POU2F2: variants seen among roughly 807,000 people sequenced by gnomAD.
POU2F2 encodes POU class 2 homeobox 2.
A neutral mutation model predicts 63.5 loss-of-function variants in POU2F2; 14 were observed. The observed-to-expected ratio is 0.22, with a 90% CI of 0.15 to 0.34. POU2F2 has a LOEUF of 0.34. POU2F2 is among the 10% of genes least tolerant of loss of function. POU2F2 has a pLI of 1.00. For synonymous variants in POU2F2, 306 were observed against 348.6 expected (o/e 0.88, Z 1.36); for missense variants, 607 against 815.2 (o/e 0.74, Z 3.11).
intron 1 of POU2F2, among the ~76,000 whole-genome samples, chr19:42,192,904 T>TG (rs891804824): frequency 2.0e-5 from 3 of 152,024 alleles, no homozygotes; most frequent in East Asian, 1.9e-4. Flanking sequence ...GAAAAATAGT[T>TG]GGAGAGTGTA....
At chr19:42,122,822 A>G (rs1354966665) in intron 1 of POU2F2, among the ~76,000 whole-genome samples, 2 of 152,188 alleles carry the variant, frequency 1.3e-5, no homozygotes, top group Non-Finnish European at 2.9e-5. Context: ...TCCAGAAAGT[A>G]ACACAGGGGT....
At chr19:42,149,802 A>T (rs190812765) in intron 2 of POU2F2, among the ~76,000 whole-genome samples, 218 of 152,228 alleles carry the variant, frequency 1.4e-3, no homozygotes, top group African/African-American at 5.1e-3. Context: ...TCACACCAGC[A>T]GTCCAGCAGG....
chr19:42,137,164 G>A (rs1283326551), upstream of POU2F2: 1 of 152,102 alleles, frequency 6.6e-6, no homozygotes, highest in Non-Finnish European at 1.5e-5. Flanking sequence ...GTCTTTGGGG[G>A]AGAAATAATT....
At chr19:42,105,851 GC>G (rs2077315030) in intron 5 of POU2F2, among the ~76,000 whole-genome samples, 1 of 150,800 alleles carries the variant, frequency 6.6e-6, no homozygotes, top group Non-Finnish European at 1.5e-5. Flanking sequence ...CCATCCATTC[GC>G]CCCCAGGCAG....
chr19:42,165,619 C>T (rs1239107922), intron 1 of POU2F2, among the ~76,000 whole-genome samples: 2 of 152,222 alleles, frequency 1.3e-5, no homozygotes, highest in Non-Finnish European at 2.9e-5. Context: ...GGGTCGGCCA[C>T]TTCCTCACTG....
intron 5 of POU2F2, among the ~76,000 whole-genome samples, chr19:42,100,416 C>T (rs576469737): frequency 1.4e-4 from 21 of 151,630 alleles, no homozygotes; most frequent in Non-Finnish European, 2.9e-4. Context: ...GAAATATTTT[C>T]CTTGTTTTAA....
At chr19:42,140,156 G>A (rs986430242) in intron 2 of POU2F2, among the ~76,000 whole-genome samples, 18 of 152,240 alleles carry the variant, frequency 1.2e-4, no homozygotes, top group African/African-American at 4.3e-4. Context: ...GGGAGCAGGC[G>A]CCTGGCCCTG....
chr19:42,189,483 T>C (rs2035052402), intron 1 of POU2F2, among the ~76,000 whole-genome samples: 1 of 152,200 alleles, frequency 6.6e-6, no homozygotes, highest in Non-Finnish European at 1.5e-5. Context: ...ACTGCCCTGG[T>C]TCTAGTCTTT....
At chr19:42,176,773 G>C (rs1410400803), upstream of POU2F2, among the ~76,000 whole-genome samples, 1 of 150,896 alleles carries the variant, frequency 6.6e-6, no homozygotes, top group Non-Finnish European at 1.5e-5. Context: ...CCCCGGCGCC[G>C]GGCGCCGAGA....
rs2030703426 is a variant in POU2F2 at position 42,109,410 on chromosome 19, T to C, written c.369+7840A>G. On this transcript the variant is annotated intron_variant, in intron 5 of 14. Coordinates refer to ENST00000692977, the MANE Select transcript of POU2F2 (RefSeq NM_001394376.1). ...TGGATCTTCCCTCTCTAAGACAAGT[T>C]AAGTCCAGAGTAGGGGAGAACAGGA... Among the ~76,000 whole-genome samples the C allele has an allele frequency of 2.6e-5, 4 of 152,136 alleles. No homozygotes were observed. The South Asian group carries it at 6.2e-4, about 24-fold the overall frequency.
upstream of POU2F2, among the ~76,000 whole-genome samples, chr19:42,180,247 G>A (rs1234414374): frequency 2.6e-5 from 4 of 152,166 alleles, no homozygotes; most frequent in Admixed American, 6.5e-5. Flanking sequence ...GACTTAGCTA[G>A]TGTGAACATA....
chr19:42,127,301 T>C (rs1226441522), intron 1 of POU2F2, among the ~76,000 whole-genome samples: 1 of 151,972 alleles, frequency 6.6e-6, no homozygotes, highest in Non-Finnish European at 1.5e-5. Context: ...GGCTGTTCCC[T>C]CTGTCTGGAA....
chr19:42,159,640 G>GCAGCAT (rs1351105452), intron 2 of POU2F2, among the ~76,000 whole-genome samples: 1 of 152,196 alleles, frequency 6.6e-6, no homozygotes, highest in African/African-American at 2.4e-5. Flanking sequence ...ACAGAGGTGA[G>GCAGCAT]CAGCAGGAGA....
Position 42,088,175 on chromosome 19 carries a change from C to T in POU2F2, c.*3082G>A, listed in dbSNP as rs1263767100. The T allele has an allele frequency of 6.6e-6, 1 of 152,244 alleles. No homozygotes were observed. The highest frequency in any genetic ancestry group is 1.5e-5 in the Non-Finnish European group (1 of 68,032). 9.4% of individuals were successfully genotyped at this position (152,244 alleles called of 1,614,324 possible). A position where few individuals can be genotyped will look rare whatever the true frequency, so the allele number is the denominator to read the frequency against. On this transcript the variant is annotated 3_prime_UTR_variant, in exon 15 of 15. Transcript: ENST00000692977. ...CCTGGGGCTCACCTGCCCCTCCCTC[C>T]CTCCTACCCCCTTCCCAATATTTGG...
chr19:42,177,492 G>GC (rs1196977653), upstream of POU2F2, among the ~76,000 whole-genome samples: 1 of 152,022 alleles, frequency 6.6e-6, no homozygotes, highest in Non-Finnish European at 1.5e-5. Context: ...GCAGGGAGAG[G>GC]CCCGAGACCC....
rs1310391199 is a variant in POU2F2, at chr19:42,153,275, T to A, written c.-9+7057A>T. On this transcript the variant is annotated intron_variant, in intron 2 of 6. Coordinates refer to the POU2F2 transcript ENST00000524801. The surrounding 1 kb of genome is among the most constrained non-coding windows in gnomAD (Gnocchi z 5.6). Reference sequence around the variant, plus strand: ...TCTTGGCCCGAGTCATGTCTGTGTGTGAACATGAGTTCATGGATGTGTCCC... The same window carrying A: ...TCTTGGCCCGAGTCATGTCTGTGTGAGAACATGAGTTCATGGATGTGTCCC... Among the ~76,000 whole-genome samples the A allele has an allele frequency of 6.6e-6, 1 of 152,170 alleles. No homozygotes were observed. Among genetic ancestry groups the A allele is most frequent in the East Asian group, 1.9e-4 (1 of 5,194 alleles).
intron 1 of POU2F2, among the ~76,000 whole-genome samples, chr19:42,185,614 C>T (rs1178181302): frequency 6.6e-6 from 1 of 152,326 alleles, no homozygotes; most frequent in African/African-American, 2.4e-5. Context: ...GAATGCCCTT[C>T]TCACTCTTGT....
In POU2F2 at chr19:42,117,166, G is replaced by A; in HGVS notation, c.369+84C>T. ...GTGTGAGAGAGTGGCCATGGCCTTG[G>A]TGGAACAGTTCATCCACTAGCCCTG... On this transcript the variant is annotated intron_variant, in intron 5 of 14. Transcript: ENST00000692977. This position sits in a 1 kb window ranked among gnomAD's most constrained non-coding sequence, Gnocchi z 4.4. 2 of 1,141,088 alleles carry A rather than the reference G, an allele frequency of 1.8e-6. No individual in the cohort carries two copies. The highest frequency in any genetic ancestry group is 1.2e-6 in the Non-Finnish European group (1 of 809,810). 70.7% of individuals were successfully genotyped at this position (1,141,088 alleles called of 1,614,324 possible).
In POU2F2 at chr19:42,169,790, T is replaced by C. The variant is rs951638290; in HGVS notation, c.-70+6173A>G. Among the ~76,000 whole-genome samples the C allele has an allele frequency of 3.9e-5, 6 of 152,040 alleles. No individual in the cohort carries two copies. Among genetic ancestry groups the C allele is most frequent in the Non-Finnish European group, 7.4e-5 (5 of 68,000 alleles). On this transcript the variant is annotated intron_variant, in intron 1 of 6. Coordinates refer to the POU2F2 transcript ENST00000524801. This position sits in a 1 kb window ranked among gnomAD's most constrained non-coding sequence, Gnocchi z 4.3. ...TGTGTGTCGGGGTGATATAAACACA[T>C]GTGCGTGTGTACCTGTGTGTCTTTC...
Sources: gnomAD v4.1 joint callset for allele counts (sites outside exome capture counted in the v4.1 genomes callset) on GRCh38, gnomAD v4.1.1 for gene constraint, Gnocchi (gnomAD v3.1) non-coding constraint, MANE v1.5 for transcripts, NCBI Gene and HGNC (gene_info 2026-07-23, HGNC 2026-07-21) for gene names.